Variants in PCDH15 observed in about 807,000 individuals in gnomAD.
PCDH15 encodes protocadherin-15.
PCDH15 carries 129 observed loss-of-function variants against 178.5 expected under a neutral mutation model. The observed-to-expected ratio is 0.72, with a 90% CI of 0.63 to 0.84. PCDH15 has a LOEUF of 0.84. PCDH15 is among the 40% of genes least tolerant of loss of function. The pLI is 0.00. For synonymous variants in PCDH15, 800 were observed against 732.0 expected (o/e 1.09, Z -1.50); for missense variants, 2,230 against 2,099.9 (o/e 1.06, Z -1.21).
At chr10:54,806,072 T>C (rs1952773115), upstream of PCDH15, among the ~76,000 whole-genome samples, 1 of 152,188 alleles carries the variant, frequency 6.6e-6, no homozygotes, top group African/African-American at 2.4e-5. Context: ...ATAATATTTG[T>C]AAAATACTTT....
chr10:55,418,164 T>C (rs1421121939), intron 2 of PCDH15, among the ~76,000 whole-genome samples: 1 of 151,760 alleles, frequency 6.6e-6, no homozygotes, highest in Non-Finnish European at 1.5e-5. Flanking sequence ...AACATCATAA[T>C]AATAGTCATA....
intron 2 of PCDH15, among the ~76,000 whole-genome samples, chr10:55,013,769 C>T (rs1383641029): frequency 6.6e-6 from 1 of 152,008 alleles, no homozygotes; most frequent in Non-Finnish European, 1.5e-5. Context: ...AACCTGTTAT[C>T]CATAGGAAAT....
intron 2 of PCDH15, among the ~76,000 whole-genome samples, chr10:55,157,811 G>C (rs1199205109): frequency 3.3e-5 from 5 of 151,766 alleles, no homozygotes; most frequent in Non-Finnish European, 7.4e-5. Context: ...GCTGTGGGGT[G>C]GGGGAAGGGG....
At chr10:53,823,999 T>G (rs1359388895) in intron 32 of PCDH15, among the ~76,000 whole-genome samples, 21 of 152,140 alleles carry the variant, frequency 1.4e-4, no homozygotes, top group Non-Finnish European at 4.4e-5. Flanking sequence ...TAATTAGTTT[T>G]AAAACCTTAT....
At chr10:55,298,555 T>C (rs1843192268) in intron 1 of PCDH15, among the ~76,000 whole-genome samples, 2 of 152,114 alleles carry the variant, frequency 1.3e-5, no homozygotes, top group South Asian at 4.1e-4. Context: ...TTGAATACCT[T>C]ATAGAATACC....
chr10:55,430,577 G>T (rs146937051), intron 2 of PCDH15, among the ~76,000 whole-genome samples: 61 of 152,156 alleles, frequency 4.0e-4, no homozygotes, highest in African/African-American at 1.3e-3. Context: ...CAGAGAAGAA[G>T]TGATTTTCTG....
intron 2 of PCDH15, among the ~76,000 whole-genome samples, chr10:55,605,505 C>T (rs1190730844): frequency 6.6e-6 from 1 of 150,994 alleles, no homozygotes; most frequent in Admixed American, 6.6e-5. Context: ...CAATAAAATA[C>T]TGGCAAACCA....
chr10:53,841,278 G>A (rs10825120), intron 28 of PCDH15, among the ~76,000 whole-genome samples: 28,761 of 151,796 alleles, frequency 0.19, 3,697 homozygotes, highest in East Asian at 0.69. Flanking sequence ...ATATAATTCA[G>A]TATTTACAGA....
intron 1 of PCDH15, among the ~76,000 whole-genome samples, chr10:54,753,645 G>C (rs555899410): frequency 6.6e-6 from 1 of 152,204 alleles, no homozygotes; most frequent in South Asian, 2.1e-4. Context: ...ATTGTTGTAA[G>C]TATAAAATGC....
At chr10:55,125,032 C>A (rs931213497) in intron 2 of PCDH15, among the ~76,000 whole-genome samples, 3 of 151,992 alleles carry the variant, frequency 2.0e-5, no homozygotes, top group African/African-American at 7.2e-5. Context: ...AACTTAAAGG[C>A]CCTAAAAGTG....
intron 3 of PCDH15, among the ~76,000 whole-genome samples, chr10:54,462,507 C>CT (rs71461244): frequency 0.035 from 3,449 of 97,748 alleles, 194 homozygotes; most frequent in African/African-American, 0.12. Flanking sequence ...TTTTCTTTTT[C>CT]TTTTCTTTTT....
chr10:55,336,413 G>A (rs1565024935), intron 2 of PCDH15, among the ~76,000 whole-genome samples: 3 of 152,034 alleles, frequency 2.0e-5, no homozygotes, highest in South Asian at 4.1e-4. Flanking sequence ...CAGGACAATC[G>A]CTTGAACCCA....
chr10:54,177,255 T>C (rs952622351), intron 13 of PCDH15, among the ~76,000 whole-genome samples: 2 of 151,944 alleles, frequency 1.3e-5, no homozygotes, highest in Non-Finnish European at 2.9e-5. Context: ...GAAAGATCAA[T>C]GATTGTCAGG....
intron 3 of PCDH15, among the ~76,000 whole-genome samples, chr10:54,874,809 C>A (rs1276430764): frequency 6.6e-6 from 1 of 152,032 alleles, no homozygotes; most frequent in Non-Finnish European, 1.5e-5. Context: ...ACAACCCTAG[C>A]CCCTTATCAA....
chr10:53,991,425 G>T (rs1589800321), intron 21 of PCDH15, among the ~76,000 whole-genome samples: 1 of 152,056 alleles, frequency 6.6e-6, no homozygotes, highest in Non-Finnish European at 1.5e-5. Context: ...GAACTTTTAT[G>T]TCTAGCTAAA....
chr10:54,807,488 A>G (rs954924931), intron 3 of PCDH15, among the ~76,000 whole-genome samples: 8 of 152,020 alleles, frequency 5.3e-5, no homozygotes, highest in African/African-American at 1.9e-4. Flanking sequence ...AGTGGCTACT[A>G]TACATTGTAC....
At chr10:53,921,654 C>G (rs376224419) in intron 25 of PCDH15, among the ~76,000 whole-genome samples, 1 of 152,106 alleles carries the variant, frequency 6.6e-6, no homozygotes, top group Non-Finnish European at 1.5e-5. Context: ...AATGGCACTG[C>G]CCAAAAAGGA....
chr10:55,449,370 A>G (rs1015714424), intron 2 of PCDH15, among the ~76,000 whole-genome samples: 1 of 152,126 alleles, frequency 6.6e-6, no homozygotes, highest in Non-Finnish European at 1.5e-5. Context: ...TAAGCTGGAC[A>G]GAATTTAACA....
intron 3 of PCDH15, among the ~76,000 whole-genome samples, chr10:54,453,254 C>T (rs180804466): frequency 6.6e-6 from 1 of 152,202 alleles, no homozygotes; most frequent in Non-Finnish European, 1.5e-5. Context: ...TGGAACCAAC[C>T]CAAATGTCCA....
Sources: gnomAD v4.1 joint callset for allele counts (sites outside exome capture counted in the v4.1 genomes callset) on GRCh38, gnomAD v4.1.1 for gene constraint, MANE v1.5 for transcripts, NCBI Gene and HGNC (gene_info 2026-07-23, HGNC 2026-07-21) for gene names.